The following SLC39A11 variants were observed in gnomAD, a reference collection of about 807,000 sequenced individuals.
SLC39A11 encodes the protein solute carrier family 39 member 11, also known as zinc transporter ZIP11.
A neutral mutation model predicts 36.1 loss-of-function variants in SLC39A11; 33 were observed. The observed-to-expected ratio is 0.91, with a 90% CI of 0.69 to 1.22. SLC39A11 has a LOEUF of 1.22. Ranked by LOEUF, SLC39A11 falls within the 50% of genes most tolerant of loss-of-function variation. The pLI, the probability that SLC39A11 is intolerant of heterozygous loss-of-function variation, is 0.00. For missense variants in SLC39A11, 432 were observed against 430.3 expected (o/e 1.00, Z -0.03); for synonymous variants, 166 against 170.3 (o/e 0.97, Z 0.20).
chr17:72,652,939 G>A (rs1309136392), intron 7 of SLC39A11, among the ~76,000 whole-genome samples: 1 of 151,980 alleles, frequency 6.6e-6, no homozygotes, highest in Non-Finnish European at 1.5e-5. Flanking sequence ...TCCTAGGCTG[G>A]CACATATAGA....
rs2089096770 is a variant in SLC39A11 at position 72,990,536 on chromosome 17, G to A, written c.306+41020C>T. 2.0e-5 allele frequency among the ~76,000 whole-genome samples: 3 copies of A among 152,202 alleles called. No individual in the cohort carries two copies. The South Asian group carries it at 6.2e-4, about 32-fold the overall frequency. On this transcript the variant is annotated intron_variant, in intron 4 of 9. Coordinates refer to ENST00000255559, the MANE Select transcript of SLC39A11 (RefSeq NM_139177.4). Reference sequence around the variant, plus strand: ...AGGTTCAAGCGATTCTCCTGCCTCAGCCCTCAGCCTCGCGAGGAGCTGGAG... The same window carrying A: ...AGGTTCAAGCGATTCTCCTGCCTCAACCCTCAGCCTCGCGAGGAGCTGGAG...
chr17:72,869,176 T>C lies in SLC39A11; in HGVS notation c.431-19372A>G, dbSNP rs936920806. On this transcript the variant is annotated intron_variant, in intron 5 of 9. Coordinates refer to ENST00000255559, the MANE Select transcript of SLC39A11 (RefSeq NM_139177.4). ...CCAAATAAACGAGCCCCCCATGTTG[T>C]CCTTCCCAAGTGGCACCAGTGAAAG... Among the ~76,000 whole-genome samples the C allele has an allele frequency of 5.3e-5, 8 of 152,174 alleles. No homozygotes were observed. In the South Asian group the frequency reaches 6.2e-4, roughly 12 times the overall value.
intron 6 of SLC39A11, among the ~76,000 whole-genome samples, chr17:72,760,055 C>A (rs1230389223): frequency 1.3e-5 from 2 of 152,194 alleles, no homozygotes; most frequent in African/African-American, 2.4e-5. Flanking sequence ...GACACAGGGT[C>A]TCACTCTGTC....
chr17:72,803,390 A>G (rs2077157662), intron 6 of SLC39A11, among the ~76,000 whole-genome samples: 1 of 152,136 alleles, frequency 6.6e-6, no homozygotes, highest in African/African-American at 2.4e-5. Context: ...ACAAACCCAT[A>G]CCTTTCCCAG....
At chr17:73,048,932 A>T (rs565319307) in intron 3 of SLC39A11, among the ~76,000 whole-genome samples, 1 of 152,308 alleles carries the variant, frequency 6.6e-6, no homozygotes, top group Admixed American at 6.5e-5. Flanking sequence ...CTGTGAATAG[A>T]TAATAACGCA....
intron 7 of SLC39A11, among the ~76,000 whole-genome samples, chr17:72,686,751 C>T (rs2071770632): frequency 1.3e-5 from 2 of 152,142 alleles, no homozygotes. Context: ...AAAGAGACTG[C>T]CAGCAGATTC....
At chr17:72,747,976 G>A (rs933572652) in intron 6 of SLC39A11, among the ~76,000 whole-genome samples, 7 of 152,164 alleles carry the variant, frequency 4.6e-5, no homozygotes, top group Non-Finnish European at 7.3e-5. Context: ...AGATACATGT[G>A]GGGAAAGATG....
At chr17:72,803,345 G>A (rs886132985) in intron 6 of SLC39A11, among the ~76,000 whole-genome samples, 1 of 152,248 alleles carries the variant, frequency 6.6e-6, no homozygotes. Context: ...GGCAGACTCT[G>A]CCGGCTGTGT....
intron 7 of SLC39A11, among the ~76,000 whole-genome samples, chr17:72,727,651 C>CAAAA (rs57874434): frequency 6.4e-4 from 46 of 72,402 alleles, no homozygotes; most frequent in East Asian, 1.7e-3. Context: ...GACTCCGTCT[C>CAAAA]AAAAAAAAAA....
chr17:73,021,832 G>C (rs932919461), intron 4 of SLC39A11, among the ~76,000 whole-genome samples: 2 of 152,210 alleles, frequency 1.3e-5, no homozygotes, highest in African/African-American at 2.4e-5. Context: ...CTAAGTCCTA[G>C]AAGGTTCCAA....
At chr17:72,733,083 C>T (rs991317639) in intron 7 of SLC39A11, among the ~76,000 whole-genome samples, 1 of 152,166 alleles carries the variant, frequency 6.6e-6, no homozygotes, top group South Asian at 2.1e-4. Context: ...GTTTCAGTTC[C>T]CTGACATCCA....
chr17:72,891,345 C>T (rs563420369), intron 5 of SLC39A11, among the ~76,000 whole-genome samples: 4 of 152,272 alleles, frequency 2.6e-5, no homozygotes, highest in South Asian at 4.1e-4. Flanking sequence ...CGCTTGAACC[C>T]GGGAGGTGAT....
chr17:72,906,928 C>A (rs2082684131), intron 5 of SLC39A11, among the ~76,000 whole-genome samples: 1 of 152,276 alleles, frequency 6.6e-6, no homozygotes, highest in African/African-American at 2.4e-5. Context: ...AGCTCTTGCA[C>A]CGGAGATCAG....
chr17:72,966,531 G>C (rs1004236133), intron 4 of SLC39A11, among the ~76,000 whole-genome samples: 2 of 151,892 alleles, frequency 1.3e-5, no homozygotes, highest in African/African-American at 4.8e-5. Flanking sequence ...GCAGCAGGGG[G>C]TTGAGGAAAG....
intron 5 of SLC39A11, among the ~76,000 whole-genome samples, chr17:72,932,452 C>T (rs1327845160): frequency 1.3e-5 from 2 of 150,292 alleles, no homozygotes; most frequent in Admixed American, 1.3e-4. Context: ...TACCCCCCAC[C>T]CCCCACAGGC....
intron 5 of SLC39A11, among the ~76,000 whole-genome samples, chr17:72,937,995 G>C (rs1176675828): frequency 6.6e-6 from 1 of 152,208 alleles, no homozygotes; most frequent in African/African-American, 2.4e-5. Context: ...TTCTGTTTCA[G>C]AGACCTAAGC....
At chr17:73,019,662 A>G (rs1334323460) in intron 4 of SLC39A11, among the ~76,000 whole-genome samples, 1 of 152,206 alleles carries the variant, frequency 6.6e-6, no homozygotes, top group East Asian at 1.9e-4. Flanking sequence ...AATACTAAAA[A>G]CTATTTTATT....
intron 4 of SLC39A11, among the ~76,000 whole-genome samples, chr17:73,005,177 C>T (rs1264654700): frequency 2.0e-5 from 3 of 152,066 alleles, no homozygotes; most frequent in Non-Finnish European, 4.4e-5. Context: ...GAGGTTTCAC[C>T]GTATTGGCCA....
intron 6 of SLC39A11, among the ~76,000 whole-genome samples, chr17:72,808,927 A>G (rs957842110): frequency 4.6e-5 from 7 of 152,178 alleles, no homozygotes; most frequent in African/African-American, 7.2e-5. Flanking sequence ...TTAACTTCTG[A>G]GGGAGGCAGA....
Sources: allele counts gnomAD v4.1 joint callset (sites outside exome capture counted in the v4.1 genomes callset), GRCh38; gene constraint gnomAD v4.1.1; transcripts MANE v1.5; gene names NCBI Gene and HGNC (gene_info 2026-07-23, HGNC 2026-07-21).